TIAM2: variants seen among roughly 807,000 people sequenced by gnomAD.
TIAM2 encodes the protein rho guanine nucleotide exchange factor TIAM2.
A neutral mutation model predicts 152.9 loss-of-function variants in TIAM2; 80 were observed. The ratio of observed to expected loss-of-function variants is 0.52; its 90% CI spans 0.44 to 0.63. The LOEUF is 0.63. TIAM2 is among the 30% of genes least tolerant of loss of function. The probability of loss-of-function intolerance (pLI) is 0.00; values close to 1 mark genes in which losing one functional copy is unlikely to be tolerated. For synonymous variants in TIAM2, 804 were observed against 838.0 expected, an observed-to-expected ratio of 0.96 and a Z score of 0.70; for missense variants, 1,965 against 2,120.1, an observed-to-expected ratio of 0.93 and a Z score of 1.44.
At chr6:155,037,738 C>T (rs1776949186) in intron 1 of TIAM2, among the ~76,000 whole-genome samples, 1 of 152,090 alleles carries the variant, frequency 6.6e-6, no homozygotes, top group Non-Finnish European at 1.5e-5. Flanking sequence ...ACATGTAGGC[C>T]AGTCTGGTCT....
At chr6:155,054,020 A>G (rs1263260377) in intron 1 of TIAM2, among the ~76,000 whole-genome samples, 2 of 152,028 alleles carry the variant, frequency 1.3e-5, no homozygotes, top group Non-Finnish European at 2.9e-5. Flanking sequence ...TAAAAATACA[A>G]AATCTAGCCA....
intron 2 of TIAM2, among the ~76,000 whole-genome samples, chr6:155,109,041 T>G (rs999238509): frequency 1.3e-5 from 2 of 152,306 alleles, no homozygotes; most frequent in Admixed American, 1.3e-4. Context: ...TGGAGTGCAA[T>G]GGCGCGATCT....
intron 13 of TIAM2, 43 bp from the exon 14 acceptor site, chr6:155,183,194 T>G: frequency 1.9e-6 from 3 of 1,593,900 alleles, no homozygotes; most frequent in Non-Finnish European, 1.7e-6. Flanking sequence ...TTTCTCACAG[T>G]AATCCCTCTC....
intron 18 of TIAM2, 178 bp downstream of exon 18, chr6:155,244,961 A>AT (rs71268483): frequency 0.15 from 104,910 of 718,546 alleles, 7,360 homozygotes; most frequent in Non-Finnish European, 0.16. Flanking sequence ...GGCTGTATAT[A>AT]TTTTTTTTTC....
chr6:155,038,319 C>G lies in TIAM2; in HGVS notation c.-209+42827C>G, dbSNP rs372661461. Among the ~76,000 whole-genome samples, 117 of 152,324 alleles carry G rather than the reference C, an allele frequency of 7.7e-4. 1 individual carries two copies. The South Asian group carries it at 0.021, about 27-fold the overall frequency. ...TGCCCTGCCCTCCTGCTCCTTCCCC[C>G]AGATGGGATGCCTGGGGTTAGAGAG... On this transcript the variant is annotated intron_variant, in intron 1 of 26. Coordinates refer to ENST00000682666, the MANE Select transcript of TIAM2 (RefSeq NM_012454.4).
intron 1 of TIAM2, among the ~76,000 whole-genome samples, chr6:155,070,558 T>A (rs1777817636): frequency 6.6e-6 from 1 of 152,164 alleles, no homozygotes; most frequent in Non-Finnish European, 1.5e-5. Context: ...TTACTTTGGC[T>A]GTTTGCCTTT....
Position 155,145,301 on chromosome 6 carries a change from T to C in TIAM2, c.1803+523T>C, listed in dbSNP as rs114496117. ...TCTACTGTTAGAATTTTCAGTGACT[T>C]TTTAGCCAGTGAGATGTTGTAGAAC... On this transcript the variant is annotated intron_variant, in intron 6 of 26. Transcript: ENST00000682666. Among the ~76,000 whole-genome samples the C allele has an allele frequency of 8.5e-3, 1,297 of 152,232 alleles. 15 individuals carry two copies. Among genetic ancestry groups the C allele is most frequent in the African/African-American group, 0.03 (1,252 of 41,520 alleles).
intron 7 of TIAM2, among the ~76,000 whole-genome samples, chr6:155,162,519 G>A (rs1780297643): frequency 6.6e-6 from 1 of 152,224 alleles, no homozygotes; most frequent in African/African-American, 2.4e-5. Context: ...GTGTCAGTTT[G>A]TGCCCATCCA....
chr6:155,099,887 G>T (rs1778515542), intron 2 of TIAM2, among the ~76,000 whole-genome samples: 1 of 152,236 alleles, frequency 6.6e-6, no homozygotes, highest in African/African-American at 2.4e-5. Context: ...CATAGCCTAT[G>T]CTCCTAGGCT....
intron 1 of TIAM2, among the ~76,000 whole-genome samples, chr6:155,052,733 A>G (rs1777344492): frequency 8.4e-6 from 1 of 119,648 alleles, no homozygotes; most frequent in Non-Finnish European, 1.9e-5. Flanking sequence ...ACCAGCACCA[A>G]TGCACTCTAA....
intron 1 of TIAM2, among the ~76,000 whole-genome samples, chr6:155,041,325 A>T (rs899963713): frequency 3.9e-5 from 6 of 152,174 alleles, no homozygotes; most frequent in African/African-American, 1.4e-4. Flanking sequence ...TGGTGAATTG[A>T]AAGTTGCTCT....
At chr6:155,173,882 G>T (rs888144938) in intron 9 of TIAM2, among the ~76,000 whole-genome samples, 1 of 152,194 alleles carries the variant, frequency 6.6e-6, no homozygotes, top group African/African-American at 2.4e-5. Context: ...TAAGACAGGG[G>T]CATTTTAAAC....
chr6:155,250,737 C>A, intron 21 of TIAM2, 176 bp from the exon 22 acceptor site: 2 of 1,146,002 alleles, frequency 1.7e-6, no homozygotes, highest in Non-Finnish European at 1.2e-6. Flanking sequence ...CACTTGGGTG[C>A]TTAACTCATA....
chr6:155,158,000 A>G (rs1365190238), intron 7 of TIAM2, among the ~76,000 whole-genome samples: 1 of 152,184 alleles, frequency 6.6e-6, no homozygotes, highest in East Asian at 1.9e-4. Flanking sequence ...AAATACTGTT[A>G]AACTTGAGTG....
chr6:155,114,029 TA>T (rs1778931349), intron 2 of TIAM2, among the ~76,000 whole-genome samples: 2 of 51,820 alleles, frequency 3.9e-5, no homozygotes, highest in Admixed American at 2.7e-4. Flanking sequence ...TATATATATA[TA>T]TATATATTTT....
chr6:155,105,063 TC>T (rs1197083445), intron 2 of TIAM2, among the ~76,000 whole-genome samples: 3 of 152,074 alleles, frequency 2.0e-5, no homozygotes, highest in Non-Finnish European at 4.4e-5. Flanking sequence ...GCTCAATAGA[TC>T]CTCCCACCTC....
intron 14 of TIAM2, among the ~76,000 whole-genome samples, chr6:155,194,853 A>T (rs1781299363): frequency 6.6e-6 from 1 of 152,148 alleles, no homozygotes; most frequent in Non-Finnish European, 1.5e-5. Flanking sequence ...TAATTGAATT[A>T]TGGGGGCGGT....
chr6:155,225,444 G>A (rs1562360508), intron 15 of TIAM2, among the ~76,000 whole-genome samples: 1 of 152,186 alleles, frequency 6.6e-6, no homozygotes, highest in Non-Finnish European at 1.5e-5. Context: ...CCATCAAGCA[G>A]TAATACAACG....
At chr6:155,102,655 C>CA (rs1778577267) in intron 2 of TIAM2, among the ~76,000 whole-genome samples, 1 of 152,194 alleles carries the variant, frequency 6.6e-6, no homozygotes, top group East Asian at 1.9e-4. Flanking sequence ...TGCATGTGTG[C>CA]ACATGCAGTC....
Sources: gnomAD v4.1 joint callset for allele counts (sites outside exome capture counted in the v4.1 genomes callset) on GRCh38, gnomAD v4.1.1 for gene constraint, MANE v1.5 for transcripts, NCBI Gene and HGNC (gene_info 2026-07-23, HGNC 2026-07-21) for gene names.